PPFIA2: variants seen among roughly 807,000 people sequenced by gnomAD.
PPFIA2 encodes liprin-alpha-2.
Under a neutral mutation model 175.5 loss-of-function variants are expected in PPFIA2, and 46 were observed. That is an observed-to-expected ratio of 0.26 (90% CI 0.21 to 0.34). The LOEUF (loss-of-function observed/expected upper bound fraction) is 0.34. Among genes scored for constraint, PPFIA2 ranks in the 10% least tolerant of loss-of-function variants. The pLI, the probability that PPFIA2 is intolerant of heterozygous loss-of-function variation, is 1.00. For missense variants in PPFIA2, 1,179 were observed against 1,506.1 expected, an observed-to-expected ratio of 0.78 and a Z score of 3.60; for synonymous variants, 568 against 511.4, an observed-to-expected ratio of 1.11 and a Z score of -1.49.
At chr12:81,449,813 T>C (rs2052123586) in intron 5 of PPFIA2, among the ~76,000 whole-genome samples, 1 of 105,294 alleles carries the variant, frequency 9.5e-6, no homozygotes, top group Non-Finnish European at 1.8e-5. Context: ...TGACAGGCCC[T>C]GGTGTGTGAT....
chr12:81,468,461 A>G (rs1361234461), intron 4 of PPFIA2, among the ~76,000 whole-genome samples: 1 of 152,234 alleles, frequency 6.6e-6, no homozygotes, highest in Non-Finnish European at 1.5e-5. Context: ...CAGCTCTGAC[A>G]GTGTAAAGCA....
At chr12:81,661,782 T>C (rs1241272388) in intron 4 of PPFIA2, among the ~76,000 whole-genome samples, 6 of 152,110 alleles carry the variant, frequency 3.9e-5, no homozygotes, top group African/African-American at 1.4e-4. Flanking sequence ...GTTCCAAAAT[T>C]GACCACATAG....
At chr12:81,603,064 A>G (rs1364287371) in intron 4 of PPFIA2, among the ~76,000 whole-genome samples, 2 of 151,860 alleles carry the variant, frequency 1.3e-5, no homozygotes, top group Non-Finnish European at 2.9e-5. Context: ...ATTAAAAATC[A>G]GCCTGGTCAT....
intron 8 of PPFIA2, among the ~76,000 whole-genome samples, chr12:81,397,219 G>A (rs2041295139): frequency 6.6e-6 from 1 of 152,010 alleles, no homozygotes; most frequent in Non-Finnish European, 1.5e-5. Flanking sequence ...CATGGAGAGA[G>A]TGTAGGTAGA....
At chr12:81,416,698 C>G (rs1308770742) in intron 7 of PPFIA2, among the ~76,000 whole-genome samples, 1 of 151,728 alleles carries the variant, frequency 6.6e-6, no homozygotes, top group Non-Finnish European at 1.5e-5. Context: ...TCCCACAGGG[C>G]TCTTTGCCCT....
chr12:81,340,475 G>A (rs2057857146), intron 20 of PPFIA2, among the ~76,000 whole-genome samples: 4 of 152,052 alleles, frequency 2.6e-5, no homozygotes, highest in Admixed American at 2.6e-4. Flanking sequence ...TGATTATAGA[G>A]ATCTGTTTGC....
At chr12:81,754,358 C>T (rs1449096613) in intron 2 of PPFIA2, 135 bp from the exon 3 acceptor site, 37 of 1,082,744 alleles carry the variant, frequency 3.4e-5, no homozygotes, top group Non-Finnish European at 4.9e-5. Flanking sequence ...TGCCCCAAAT[C>T]CAGCCAAGCA....
intron 4 of PPFIA2, among the ~76,000 whole-genome samples, chr12:81,566,311 C>T (rs2071269869): frequency 6.6e-6 from 1 of 151,906 alleles, no homozygotes; most frequent in South Asian, 2.1e-4. Flanking sequence ...AGCATGAGGT[C>T]AAGAGATCGA....
intron 25 of PPFIA2, among the ~76,000 whole-genome samples, chr12:81,283,851 C>T (rs2042651249): frequency 6.6e-6 from 1 of 151,844 alleles, no homozygotes; most frequent in Non-Finnish European, 1.5e-5. Flanking sequence ...CACAAGAAAC[C>T]ACATGATCAT....
intron 4 of PPFIA2, among the ~76,000 whole-genome samples, chr12:81,659,714 T>C (rs1330437277): frequency 6.6e-6 from 1 of 152,154 alleles, no homozygotes; most frequent in Admixed American, 6.6e-5. Flanking sequence ...GTACTGGTTC[T>C]CCCAGCATGC....
chr12:81,475,729 T>G (rs1293510746), intron 4 of PPFIA2, among the ~76,000 whole-genome samples: 1 of 152,198 alleles, frequency 6.6e-6, no homozygotes, highest in African/African-American at 2.4e-5. Context: ...TTGTTGTTGT[T>G]TTGAGACGAG....
intron 4 of PPFIA2, among the ~76,000 whole-genome samples, chr12:81,534,002 C>G (rs949286475): frequency 6.6e-6 from 1 of 151,414 alleles, no homozygotes; most frequent in Non-Finnish European, 1.5e-5. Flanking sequence ...AACATGAAAT[C>G]CTGTCATTTA....
chr12:81,604,425 G>GA (rs988673152), intron 4 of PPFIA2, among the ~76,000 whole-genome samples: 126 of 145,760 alleles, frequency 8.6e-4, no homozygotes, highest in East Asian at 2.4e-3. Flanking sequence ...TTCCTGTTTG[G>GA]AAAAAAAAAA....
At chr12:81,269,794 G>A (rs549431076) in intron 28 of PPFIA2, among the ~76,000 whole-genome samples, 71 of 152,158 alleles carry the variant, frequency 4.7e-4, no homozygotes, top group Admixed American at 1.7e-3. Context: ...TAGCAGTGGC[G>A]TGTTCATGAT....
intron 22 of PPFIA2, among the ~76,000 whole-genome samples, chr12:81,317,138 G>T (rs774720666): frequency 6.6e-6 from 1 of 151,582 alleles, no homozygotes; most frequent in Non-Finnish European, 1.5e-5. Flanking sequence ...TCATTAGCAT[G>T]CAAAGGATGA....
intron 4 of PPFIA2, among the ~76,000 whole-genome samples, chr12:81,530,691 T>C (rs891628161): frequency 6.6e-6 from 1 of 151,002 alleles, no homozygotes; most frequent in Non-Finnish European, 1.5e-5. Context: ...GTCTCCTTAG[T>C]AGTACACAGT....
chr12:81,379,898 G>C (rs971928979), intron 9 of PPFIA2, among the ~76,000 whole-genome samples: 3 of 152,140 alleles, frequency 2.0e-5, no homozygotes, highest in African/African-American at 7.2e-5. Context: ...AGATACCTTA[G>C]AATGTCCTCA....
chr12:81,447,124 C>A (rs953800676), intron 5 of PPFIA2, among the ~76,000 whole-genome samples: 1 of 151,950 alleles, frequency 6.6e-6, no homozygotes, highest in Non-Finnish European at 1.5e-5. Flanking sequence ...CAGTGAAACC[C>A]CGTCTCTACT....
intron 4 of PPFIA2, among the ~76,000 whole-genome samples, chr12:81,482,927 C>T (rs1223529961): frequency 1.3e-5 from 2 of 151,926 alleles, no homozygotes; most frequent in African/African-American, 4.8e-5. Context: ...AAACTGTGTT[C>T]CAGTGCTAAA....
Sources: gnomAD v4.1 joint callset for allele counts (sites outside exome capture counted in the v4.1 genomes callset) on GRCh38, gnomAD v4.1.1 for gene constraint, MANE v1.5 for transcripts, NCBI Gene and HGNC (gene_info 2026-07-23, HGNC 2026-07-21) for gene names.